The following ARHGEF3 variants were observed in gnomAD, a reference collection of about 807,000 sequenced individuals.
ARHGEF3 encodes Rho guanine nucleotide exchange factor 3.
ARHGEF3 carries 28 observed loss-of-function variants against 63.2 expected under a neutral mutation model. That is an observed-to-expected ratio of 0.44 (90% CI 0.33 to 0.61). The LOEUF (loss-of-function observed/expected upper bound fraction) is 0.61, where lower values mean the gene tolerates loss of function less well. Ranked by LOEUF, ARHGEF3 falls within the 20% of genes least tolerant of loss-of-function variation. The probability of loss-of-function intolerance (pLI) is 0.03; values close to 1 mark genes in which losing one functional copy is unlikely to be tolerated. For synonymous variants in ARHGEF3, 266 were observed against 254.2 expected (o/e 1.05, Z -0.44); for missense variants, 533 against 659.3 (o/e 0.81, Z 2.10).
At chr3:56,911,891 C>A (rs2041860447) in intron 3 of ARHGEF3, among the ~76,000 whole-genome samples, 1 of 151,560 alleles carries the variant, frequency 6.6e-6, no homozygotes, top group African/African-American at 2.4e-5. Context: ...TATGATCATG[C>A]CACTGCACTC....
chr3:56,930,052 C>CA (rs2042370502), intron 3 of ARHGEF3, among the ~76,000 whole-genome samples: 2 of 152,196 alleles, frequency 1.3e-5, no homozygotes, highest in Non-Finnish European at 2.9e-5. Context: ...CCAGCCCCCC[C>CA]CTCCCACCAG....
rs1334161983 is a variant in ARHGEF3 at position 56,728,411 on chromosome 3, C to T, written c.*859G>A. 1.3e-5 allele frequency: 2 copies of T among 152,606 alleles called. No individual in the cohort carries two copies. Among genetic ancestry groups the T allele is most frequent in the African/African-American group, 4.8e-5 (2 of 41,438 alleles). 9.5% of individuals were successfully genotyped at this position (152,606 alleles called of 1,614,324 possible). On this transcript the variant is annotated 3_prime_UTR_variant, in exon 10 of 10. Coordinates refer to ENST00000296315, the MANE Select transcript of ARHGEF3 (RefSeq NM_019555.3). ...GGTCTCTCTTCCTTGTTGCTTCATT[C>T]ATTCTCTAAAATAATGAGTAGGCCT...
intron 1 of ARHGEF3, among the ~76,000 whole-genome samples, chr3:57,071,599 G>A (rs1039584042): frequency 2.7e-5 from 4 of 150,760 alleles, no homozygotes; most frequent in Non-Finnish European, 5.9e-5. Context: ...GGTGGAGGTT[G>A]TAGTGAGCCG....
At chr3:56,832,109 C>T (rs2038952327) in intron 4 of ARHGEF3, among the ~76,000 whole-genome samples, 2 of 152,188 alleles carry the variant, frequency 1.3e-5, no homozygotes, top group African/African-American at 4.8e-5. Flanking sequence ...GCAGGCAAAG[C>T]AGGGCTCTGA....
chr3:56,793,489 G>A (rs1363774369), intron 1 of ARHGEF3, among the ~76,000 whole-genome samples: 1 of 151,672 alleles, frequency 6.6e-6, no homozygotes. Flanking sequence ...TTTTAGTAGA[G>A]ACTGGGTTTT....
chr3:56,959,927 G>A (rs1323056596), intron 2 of ARHGEF3, among the ~76,000 whole-genome samples: 4 of 152,150 alleles, frequency 2.6e-5, no homozygotes, highest in Non-Finnish European at 4.4e-5. Flanking sequence ...GCGGTGAGCC[G>A]AGATTGCACC....
At chr3:56,923,679 A>C (rs2042208862) in intron 3 of ARHGEF3, among the ~76,000 whole-genome samples, 1 of 152,118 alleles carries the variant, frequency 6.6e-6, no homozygotes, top group Non-Finnish European at 1.5e-5. Context: ...CCCCCAAGAA[A>C]CCAAGAGATT....
intron 3 of ARHGEF3, among the ~76,000 whole-genome samples, chr3:56,942,164 GT>G (rs904949742): frequency 6.6e-6 from 1 of 152,210 alleles, no homozygotes; most frequent in Non-Finnish European, 1.5e-5. Context: ...TATTGCTATT[GT>G]TTTTATTACA....
chr3:57,071,272 A>C (rs1560178051), intron 1 of ARHGEF3, among the ~76,000 whole-genome samples: 1 of 152,220 alleles, frequency 6.6e-6, no homozygotes, highest in South Asian at 2.1e-4. Context: ...CAAAAAATGA[A>C]GCTAGACCCC....
chr3:56,771,562 G>A (rs1219356841), intron 2 of ARHGEF3, among the ~76,000 whole-genome samples: 1 of 152,208 alleles, frequency 6.6e-6, no homozygotes, highest in African/African-American at 2.4e-5. Context: ...GACATTTGTA[G>A]GTGATGGTTG....
chr3:57,020,129 C>T (rs569351739), intron 2 of ARHGEF3, among the ~76,000 whole-genome samples: 1 of 152,298 alleles, frequency 6.6e-6, no homozygotes, highest in African/African-American at 2.4e-5. Flanking sequence ...AACTCCTGAC[C>T]TCAAGTGATC....
chr3:57,023,669 G>A (rs1018569645), intron 2 of ARHGEF3, among the ~76,000 whole-genome samples: 20 of 152,138 alleles, frequency 1.3e-4, no homozygotes, highest in Non-Finnish European at 2.1e-4. Context: ...CTTTGCTTCC[G>A]GCACATCACA....
At chr3:56,899,441 A>AAT in intron 3 of ARHGEF3, among the ~76,000 whole-genome samples, 1 of 152,324 alleles carries the variant, frequency 6.6e-6, no homozygotes, top group Middle Eastern at 3.4e-3. Flanking sequence ...TACCATGCCC[A>AAT]ATCTTTCTCT....
chr3:56,909,724 T>C (rs760237506), intron 3 of ARHGEF3, among the ~76,000 whole-genome samples: 1 of 152,252 alleles, frequency 6.6e-6, no homozygotes, highest in Non-Finnish European at 1.5e-5. Flanking sequence ...CATCACTTAC[T>C]GTTACTACGT....
At chr3:56,828,258 G>T (rs1255177499) in intron 4 of ARHGEF3, among the ~76,000 whole-genome samples, 3 of 151,932 alleles carry the variant, frequency 2.0e-5, no homozygotes, top group Non-Finnish European at 2.9e-5. Flanking sequence ...GTTCATGGCC[G>T]GGCACGGTGG....
intron 1 of ARHGEF3, chr3:57,079,004 C>T (rs1053214573): frequency 2.9e-6 from 1 of 339,856 alleles, no homozygotes; most frequent in Non-Finnish European, 5.3e-6. Context: ...CTGGGCATAC[C>T]CCAGACCAGG....
intron 4 of ARHGEF3, among the ~76,000 whole-genome samples, chr3:56,873,167 T>A (rs1336865259): frequency 6.6e-6 from 1 of 151,928 alleles, no homozygotes; most frequent in Non-Finnish European, 1.5e-5. Flanking sequence ...CTCAGCTAAG[T>A]TTTAAATTTA....
chr3:57,049,544 A>G (rs1704589913), intron 1 of ARHGEF3, among the ~76,000 whole-genome samples: 1 of 152,154 alleles, frequency 6.6e-6, no homozygotes, highest in Non-Finnish European at 1.5e-5. Context: ...TGGCTCTAAG[A>G]AGACACAGCT....
chr3:56,936,613 T>C (rs1280654011), intron 3 of ARHGEF3, among the ~76,000 whole-genome samples: 1 of 152,210 alleles, frequency 6.6e-6, no homozygotes, highest in Non-Finnish European at 1.5e-5. Flanking sequence ...AAATTAAGTC[T>C]TTAGATCCAA....
Sources: allele counts gnomAD v4.1 joint callset (sites outside exome capture counted in the v4.1 genomes callset), GRCh38; gene constraint gnomAD v4.1.1; transcripts MANE v1.5; gene names NCBI Gene and HGNC (gene_info 2026-07-23, HGNC 2026-07-21).